Variants in CMTM4 observed in about 807,000 individuals in gnomAD.
CMTM4 encodes CKLF-like MARVEL transmembrane domain-containing protein 4.
In CMTM4, 8 loss-of-function variants were observed where a neutral mutation model predicts 19.0. The observed-to-expected ratio is 0.42, with a 90% CI of 0.25 to 0.76. CMTM4 has a LOEUF of 0.76. CMTM4 is among the 30% of genes least tolerant of loss of function. The probability of loss-of-function intolerance (pLI) is 0.27; values close to 1 mark genes in which losing one functional copy is unlikely to be tolerated. For missense variants in CMTM4, 228 were observed against 290.2 expected (o/e 0.79, Z 1.56); for synonymous variants, 106 against 121.1 (o/e 0.88, Z 0.82).
intron 1 of CMTM4, among the ~76,000 whole-genome samples, chr16:66,670,682 C>T (rs534935237): frequency 4.6e-5 from 7 of 152,148 alleles, no homozygotes; most frequent in African/African-American, 1.2e-4. Context: ...AACCTGTAGT[C>T]CCAGCTATTC....
In CMTM4 at chr16:66,636,326, A is replaced by C; in HGVS notation, c.363+79T>G. 2 of 1,159,926 alleles carry C rather than the reference A, an allele frequency of 1.7e-6. 1 individual carries two copies. The highest frequency in any genetic ancestry group is 3.0e-5 in the South Asian group (2 of 66,230). 71.9% of individuals were successfully genotyped at this position (1,159,926 alleles called of 1,614,324 possible). On this transcript the variant is annotated intron_variant, in intron 2 of 3. Transcript: ENST00000394106. ...TCAAAATGAACTAGAACCAAACATG[A>C]CCTGGAGAGATTCCAGCTTTTCCTT...
At chr16:66,660,275 C>T (rs886122631) in intron 1 of CMTM4, among the ~76,000 whole-genome samples, 3 of 151,412 alleles carry the variant, frequency 2.0e-5, no homozygotes, top group African/African-American at 7.3e-5. Flanking sequence ...GTGGTCTCAG[C>T]CTCTTGGAAG....
intron 1 of CMTM4, among the ~76,000 whole-genome samples, chr16:66,682,849 A>C (rs1435109034): frequency 2.0e-5 from 3 of 151,894 alleles, no homozygotes; most frequent in Non-Finnish European, 4.4e-5. Flanking sequence ...TCTCTTTCTG[A>C]ATGTGTTAAT....
Position 66,619,993 on chromosome 16 carries a change from C to G in CMTM4, c.*2065G>C, listed in dbSNP as rs2015599536. 13 of 985,374 alleles carry G rather than the reference C, an allele frequency of 1.3e-5. No individual in the cohort carries two copies. Among genetic ancestry groups the G allele is most frequent in the Non-Finnish European group, 1.4e-5 (12 of 829,928 alleles). The allele number at this position is 985,374 out of a possible 1,614,324, so 61.0% of individuals were successfully genotyped here. ...TCCTCAGGAGGCCAACCACCTGCCC[C>G]CCTCTTTCACCAGATGATCAAGTGG... On this transcript the variant is annotated 3_prime_UTR_variant, in exon 4 of 4. Transcript: ENST00000394106.
At chr16:66,687,957 G>C (rs1384667104) in intron 1 of CMTM4, among the ~76,000 whole-genome samples, 1 of 152,088 alleles carries the variant, frequency 6.6e-6, no homozygotes, top group African/African-American at 2.4e-5. Flanking sequence ...AGAGTGCTGG[G>C]ATTACAGGTG....
intron 1 of CMTM4, among the ~76,000 whole-genome samples, chr16:66,683,523 C>G (rs931019088): frequency 7.9e-5 from 12 of 151,530 alleles, no homozygotes; most frequent in Admixed American, 2.0e-4. Flanking sequence ...GATCTCCTGA[C>G]CTCGTGATCC....
chr16:66,692,851 G>A (rs185602227), intron 1 of CMTM4, among the ~76,000 whole-genome samples: 127 of 149,648 alleles, frequency 8.5e-4, no homozygotes, highest in African/African-American at 2.9e-3. Flanking sequence ...AGGCTGCAGT[G>A]AGCCAAGATC....
chr16:66,660,273 AGCCTCTTGGAAGGC>A (rs2016476312), intron 1 of CMTM4, among the ~76,000 whole-genome samples: 2 of 151,994 alleles, frequency 1.3e-5, no homozygotes, highest in Admixed American at 6.6e-5. Flanking sequence ...CTGTGGTCTC[AGCCTCTTGGAAGGC>A]AGAGGTAGGA....
Position 66,616,514 on chromosome 16 carries a change from T to C in CMTM4, c.*5544A>G, listed in dbSNP as rs762614244. 3 of 152,150 alleles carry C rather than the reference T, an allele frequency of 2.0e-5. No homozygotes were observed. Among genetic ancestry groups the C allele is most frequent in the Non-Finnish European group, 4.4e-5 (3 of 68,004 alleles). 9.4% of individuals were successfully genotyped at this position (152,150 alleles called of 1,614,324 possible). Reference sequence around the variant, plus strand: ...AAAATGGGTTACAGAGTGAAAGAGTTGGGAACAGGCAGCCCCCTTTGGGCC... The same window carrying C: ...AAAATGGGTTACAGAGTGAAAGAGTCGGGAACAGGCAGCCCCCTTTGGGCC... On this transcript the variant is annotated 3_prime_UTR_variant, in exon 4 of 4. Transcript: ENST00000394106.
intron 1 of CMTM4, among the ~76,000 whole-genome samples, chr16:66,650,569 T>A (rs1434864243): frequency 2.6e-5 from 4 of 152,118 alleles, no homozygotes; most frequent in African/African-American, 9.7e-5. Context: ...CCCATGCTGT[T>A]CCCACCTTAA....
At chr16:66,603,541 C>T in the CMTM4 span, among the ~76,000 whole-genome samples, 1,208 of 152,314 alleles carry the variant, frequency 7.9e-3, 13 homozygotes, top group Admixed American at 0.011. Context: ...CCCACCTCAG[C>T]CTCCCAACGT....
chr16:66,672,336 C>T (rs986188720), intron 1 of CMTM4, among the ~76,000 whole-genome samples: 4 of 145,568 alleles, frequency 2.7e-5, no homozygotes, highest in Non-Finnish European at 3.0e-5. Context: ...ACCCAGGAGA[C>T]GGAGGTTGCA....
In CMTM4 at chr16:66,619,787, C is replaced by T. The variant is rs1289026952; in HGVS notation, c.*2271G>A. ...TACAAGGAGAACATTTACAAAACCA[C>T]CGAGGAGCCTCACGGCACAAAGGAT... On this transcript the variant is annotated 3_prime_UTR_variant, in exon 4 of 4. Coordinates refer to ENST00000394106, the MANE Select transcript of CMTM4 (RefSeq NM_181521.3). The T allele has an allele frequency of 2.0e-6, 2 of 985,204 alleles. No homozygotes were observed. The highest frequency in any genetic ancestry group is 4.7e-5 in the South Asian group (1 of 21,278). The allele number at this position is 985,204 out of a possible 1,614,324, so 61.0% of individuals were successfully genotyped here.
At position 66,619,086 on chromosome 16, in the gene CMTM4, A is replaced by G. The variant is rs1328036259; in HGVS notation, c.*2972T>C. ...TGACGAGATTTTAATCTGAAACTGC[A>G]TCTGTTCTTCCCAGCTTTATGTGGG... On this transcript the variant is annotated 3_prime_UTR_variant, in exon 4 of 4. Transcript: ENST00000394106. 1.0e-6 allele frequency: 1 copy of G among 985,390 alleles called. No individual in the cohort carries two copies. Among genetic ancestry groups the G allele is most frequent in the Non-Finnish European group, 1.2e-6 (1 of 829,956 alleles). 61.0% of individuals were successfully genotyped at this position (985,390 alleles called of 1,614,324 possible).
chr16:66,630,813 G>C (rs561515021), intron 2 of CMTM4, among the ~76,000 whole-genome samples: 27 of 151,724 alleles, frequency 1.8e-4, no homozygotes, highest in African/African-American at 6.0e-4. Context: ...GGAAAGTGAG[G>C]AGCATCTCTG....
chr16:66,621,835 G>A lies in CMTM4; in HGVS notation c.*223C>T. 1 of 1,387,962 alleles carries A rather than the reference G, an allele frequency of 7.2e-7. No homozygotes were observed. The highest frequency in any genetic ancestry group is 9.3e-7 in the Non-Finnish European group (1 of 1,070,742). The allele number at this position is 1,387,962 out of a possible 1,614,324, so 86.0% of individuals were successfully genotyped here. A position where few individuals can be genotyped will look rare whatever the true frequency, so the allele number is the denominator to read the frequency against. On this transcript the variant is annotated 3_prime_UTR_variant, in exon 4 of 4. Transcript: ENST00000394106. ...AAGACCTCAAGTGGACCTGGGCAGT[G>A]ACGCCGGCTGCTCCACAGCCCCAAA... is the stretch of plus-strand genomic sequence containing the variant.
At chr16:66,627,051 G>T (rs569597207) in intron 2 of CMTM4, among the ~76,000 whole-genome samples, 1 of 152,092 alleles carries the variant, frequency 6.6e-6, no homozygotes, top group Non-Finnish European at 1.5e-5. Context: ...TGCAGTGAGC[G>T]GAGACTGCGC....
intron 1 of CMTM4, among the ~76,000 whole-genome samples, chr16:66,671,002 T>A (rs957325800): frequency 1.6e-4 from 25 of 152,310 alleles, no homozygotes; most frequent in African/African-American, 5.1e-4. Flanking sequence ...TCTCTATTTT[T>A]CTACATCAGT....
chr16:66,636,938 G>C (rs1259333697), intron 1 of CMTM4, among the ~76,000 whole-genome samples: 1 of 152,196 alleles, frequency 6.6e-6, no homozygotes, highest in Non-Finnish European at 1.5e-5. Flanking sequence ...AAGTAAGTGG[G>C]TGTTGCCTAT....
Sources: allele counts gnomAD v4.1 joint callset (sites outside exome capture counted in the v4.1 genomes callset), GRCh38; gene constraint gnomAD v4.1.1; transcripts MANE v1.5; gene names NCBI Gene and HGNC (gene_info 2026-07-23, HGNC 2026-07-21).